The following SP3 variants were observed in gnomAD, a reference collection of about 807,000 sequenced individuals.
SP3 encodes transcription factor Sp3.
SP3 carries 10 observed loss-of-function variants against 70.3 expected under a neutral mutation model. The observed-to-expected ratio is 0.14, with a 90% CI of 0.09 to 0.24. SP3 has a LOEUF of 0.24. Ranked by LOEUF, SP3 falls within the 10% of genes least tolerant of loss-of-function variation. The pLI is 1.00. For synonymous variants in SP3, 402 were observed against 333.5 expected, an observed-to-expected ratio of 1.21 and a Z score of -2.24; for missense variants, 825 against 914.6, an observed-to-expected ratio of 0.90 and a Z score of 1.26.
intron 4 of SP3, among the ~76,000 whole-genome samples, chr2:173,941,600 A>T (rs1489439914): frequency 5.9e-5 from 9 of 152,236 alleles, no homozygotes; most frequent in Admixed American, 3.3e-4. Flanking sequence ...ACCCTGCCTA[A>T]AAAAAAGAAA....
rs930681575 is a variant in SP3 at position 173,964,294 on chromosome 2, G to T, written c.156+111C>A. 1.3e-4 allele frequency: 73 copies of T among 549,086 alleles called. No homozygotes were observed. The East Asian group carries it at 1.8e-3, about 14-fold the overall frequency. The allele number at this position is 549,086 out of a possible 1,614,324, so 34.0% of individuals were successfully genotyped here. A position where few individuals can be genotyped will look rare whatever the true frequency, so the allele number is the denominator to read the frequency against. The stretch of plus-strand genomic sequence containing the variant: ...CCCGGGGCGGGGGGAGGGGAGTGGA[G>T]GGGAGGGGAGAGACGAGGAGGGAGG... On this transcript the variant is annotated intron_variant, in intron 2 of 6. Coordinates refer to ENST00000310015, the MANE Select transcript of SP3 (RefSeq NM_003111.5).
rs199529291 is a variant in SP3, at chr2:173,954,702, GAAT to G, written c.1639+168_1639+170del. Among the ~76,000 whole-genome samples, 729 of 152,258 alleles carry G rather than the reference GAAT, an allele frequency of 4.8e-3. 2 individuals are homozygous for G. Among genetic ancestry groups the G allele is most frequent in the African/African-American group, 0.017 (697 of 41,566 alleles). ...ACTTCAAAAACTACAAACTTTCAAA[GAAT>G]AATTTGGAAGATACTTTGATGTCTA... On this transcript the variant is annotated intron_variant, in intron 4 of 6. Transcript: ENST00000310015.
chr2:173,903,420 C>G lies in SP3; in HGVS notation c.*6521G>C, dbSNP rs952551274. Among the ~76,000 whole-genome samples the G allele has an allele frequency of 6.6e-6, 1 of 152,154 alleles. No individual in the cohort carries two copies. The highest frequency in any genetic ancestry group is 2.4e-5 in the African/African-American group (1 of 41,428). On this transcript the variant is annotated 3_prime_UTR_variant, in exon 7 of 7. Transcript: ENST00000310015. Reference sequence around the variant, plus strand: ...GCCCATGTGTGTCTAAGTCCCAAACCTATGCACTTAATCACTATATTATGC... The same window carrying G: ...GCCCATGTGTGTCTAAGTCCCAAACGTATGCACTTAATCACTATATTATGC...
upstream of SP3, chr2:173,965,515 GAC>G (rs1463122191): frequency 1.7e-5 from 5 of 290,428 alleles, no homozygotes; most frequent in South Asian, 2.3e-4. Flanking sequence ...GAAGGGGAGA[GAC>G]AATGAGCGGC....
intron 4 of SP3, among the ~76,000 whole-genome samples, chr2:173,935,359 T>G (rs1690178709): frequency 6.6e-6 from 1 of 152,166 alleles, no homozygotes; most frequent in Admixed American, 6.5e-5. Flanking sequence ...AGACAATCCA[T>G]GTAGATGCTT....
chr2:173,961,228 ACTT>A (rs1276175799), intron 3 of SP3, among the ~76,000 whole-genome samples: 2 of 152,162 alleles, frequency 1.3e-5, no homozygotes, highest in African/African-American at 2.4e-5. Flanking sequence ...TTATGACTAG[ACTT>A]CTTCAGCAAT....
At chr2:173,945,743 C>T (rs146492810) in intron 4 of SP3, among the ~76,000 whole-genome samples, 1 of 152,286 alleles carries the variant, frequency 6.6e-6, no homozygotes, top group East Asian at 1.9e-4. Flanking sequence ...ATCACGGGGA[C>T]ACCTCCCCCA....
At chr2:173,935,271 G>C (rs1444190332) in intron 4 of SP3, among the ~76,000 whole-genome samples, 5 of 152,144 alleles carry the variant, frequency 3.3e-5, no homozygotes, top group Non-Finnish European at 2.9e-5. Context: ...ACTTATTAAT[G>C]ATCAGTCCAG....
In SP3 at chr2:173,908,464, AAAAT is replaced by A. The variant is rs1318005565; in HGVS notation, c.*1473_*1476del. 2 of 152,496 alleles carry A rather than the reference AAAAT, an allele frequency of 1.3e-5. No individual in the cohort carries two copies. The highest frequency in any genetic ancestry group is 3.8e-4 in the East Asian group (2 of 5,202). 9.4% of individuals were successfully genotyped at this position (152,496 alleles called of 1,614,324 possible). ...TAAAAATAAAAAGCCAAGTTGAAGA[AAAAT>A]AAACCACCAATTCTTACCCCATACC... On this transcript the variant is annotated 3_prime_UTR_variant, in exon 7 of 7. Transcript: ENST00000310015.
Position 173,901,624 on chromosome 2 carries a change from A to G in SP3, c.*8317T>C, listed in dbSNP as rs1360328972. ...ATCATTTCACATCCATCAACCCATC[A>G]TGTGCAGTAGCCTATATCCCCAGCC... On this transcript the variant is annotated 3_prime_UTR_variant, in exon 7 of 7. Coordinates refer to ENST00000310015, the MANE Select transcript of SP3 (RefSeq NM_003111.5). Among the ~76,000 whole-genome samples, 1 of 151,034 alleles carries G rather than the reference A, an allele frequency of 6.6e-6. No individual in the cohort carries two copies. Among genetic ancestry groups the G allele is most frequent in the Non-Finnish European group, 1.5e-5 (1 of 67,894 alleles).
Position 173,918,118 on chromosome 2 carries a change from T to C in SP3, c.1832+475A>G, listed in dbSNP as rs186520962. The stretch of plus-strand genomic sequence containing the variant: ...AGTCATGTTATTCTGTCTTAATGTT[T>C]ACCTTTAAAAAGACTGAACTGAAAT... On this transcript the variant is annotated intron_variant, in intron 5 of 6. Transcript: ENST00000310015. 2.4e-3 allele frequency among the ~76,000 whole-genome samples: 358 copies of C among 152,196 alleles called. 1 individual carries two copies. Among genetic ancestry groups the C allele is most frequent in the Non-Finnish European group, 4.0e-3 (273 of 67,966 alleles).
chr2:173,933,764 T>A (rs1020672310), intron 4 of SP3, among the ~76,000 whole-genome samples: 3 of 150,826 alleles, frequency 2.0e-5, no homozygotes, highest in Admixed American at 6.6e-5. Context: ...TGCTCTGATA[T>A]AACCCTGCTT....
At chr2:173,942,906 C>A (rs140035507) in intron 4 of SP3, among the ~76,000 whole-genome samples, 1 of 151,970 alleles carries the variant, frequency 6.6e-6, no homozygotes. Context: ...AAATACAGTA[C>A]AACTATATAT....
intron 4 of SP3, among the ~76,000 whole-genome samples, chr2:173,940,319 A>ATT (rs1157003825): frequency 6.6e-6 from 1 of 152,070 alleles, no homozygotes; most frequent in Admixed American, 6.6e-5. Flanking sequence ...TAGGTATTAG[A>ATT]TTTTTCATAA....
intron 4 of SP3, among the ~76,000 whole-genome samples, chr2:173,939,246 T>C (rs1466389714): frequency 1.3e-5 from 2 of 152,176 alleles, no homozygotes; most frequent in Non-Finnish European, 2.9e-5. Context: ...CAGTAAAGAC[T>C]TTACAGAAAG....
intron 4 of SP3, among the ~76,000 whole-genome samples, chr2:173,924,416 A>G (rs971143860): frequency 6.6e-6 from 1 of 152,226 alleles, no homozygotes; most frequent in Non-Finnish European, 1.5e-5. Context: ...CGAGATATTC[A>G]CTTCACCTTA....
Position 173,965,320 on chromosome 2 carries a change from T to C in SP3, c.-149A>G. 1 of 901,718 alleles carries C rather than the reference T, an allele frequency of 1.1e-6. No individual in the cohort carries two copies. Among genetic ancestry groups the C allele is most frequent in the Non-Finnish European group, 1.7e-6 (1 of 586,796 alleles). The allele number at this position is 901,718 out of a possible 1,614,324, so 55.9% of individuals were successfully genotyped here. Reference sequence around the variant, plus strand: ...TTTTTTTTCCTATTTTGATTGACTGTGCGGGAAACACAAAAGGTGGAGCCT... The same window carrying C: ...TTTTTTTTCCTATTTTGATTGACTGCGCGGGAAACACAAAAGGTGGAGCCT... On this transcript the variant is annotated 5_prime_UTR_variant, in exon 1 of 7. Transcript: ENST00000310015.
At chr2:173,918,982 T>C (rs904029777) in intron 4 of SP3, among the ~76,000 whole-genome samples, 197 bp from the exon 5 acceptor site, 7 of 152,226 alleles carry the variant, frequency 4.6e-5, no homozygotes, top group African/African-American at 1.7e-4. Context: ...ATCTCCTGTA[T>C]AAATGCTTAT....
At chr2:173,965,051 A>G in intron 1 of SP3, 114 bp downstream of exon 1, 1 of 1,383,688 alleles carries the variant, frequency 7.2e-7, no homozygotes, top group South Asian at 1.3e-5. Flanking sequence ...CCTCTCACAG[A>G]CACTCGGTCG....
Sources: allele counts gnomAD v4.1 joint callset (sites outside exome capture counted in the v4.1 genomes callset), GRCh38; gene constraint gnomAD v4.1.1; transcripts MANE v1.5; gene names NCBI Gene and HGNC (gene_info 2026-07-23, HGNC 2026-07-21).